SLC12A6: variants seen among roughly 807,000 people sequenced by gnomAD.
SLC12A6 encodes solute carrier family 12 member 6.
A neutral mutation model predicts 135.3 loss-of-function variants in SLC12A6; 66 were observed. That is an observed-to-expected ratio of 0.49 (90% CI 0.40 to 0.60). SLC12A6 has a LOEUF of 0.60. Ranked by LOEUF, SLC12A6 falls within the 20% of genes least tolerant of loss-of-function variation. The pLI is 0.00. For synonymous variants in SLC12A6, 513 were observed against 508.8 expected (o/e 1.01, Z -0.11); for missense variants, 1,058 against 1,452.3 (o/e 0.73, Z 4.41).
At chr15:34,254,015 C>G (rs1186520876) in intron 9 of SLC12A6, among the ~76,000 whole-genome samples, 1 of 152,122 alleles carries the variant, frequency 6.6e-6, no homozygotes, top group Non-Finnish European at 1.5e-5. Context: ...CTGGCAATAA[C>G]TACACTGTCT....
At chr15:34,256,824 T>C (rs1458871118) in intron 6 of SLC12A6, among the ~76,000 whole-genome samples, 1 of 152,088 alleles carries the variant, frequency 6.6e-6, no homozygotes, top group Non-Finnish European at 1.5e-5. Flanking sequence ...GTAAAAACTA[T>C]AGTGGTGGTA....
intron 2 of SLC12A6, among the ~76,000 whole-genome samples, chr15:34,309,236 A>G (rs1205160019): frequency 6.6e-6 from 1 of 152,186 alleles, no homozygotes; most frequent in Non-Finnish European, 1.5e-5. Flanking sequence ...CTTTAAATTT[A>G]CCAGCTTATA....
chr15:34,230,465 A>G lies in SLC12A6; in HGVS notation c.*3416T>C, dbSNP rs974988902. 6.6e-6 allele frequency: 1 copy of G among 152,514 alleles called. No individual in the cohort carries two copies. The highest frequency in any genetic ancestry group is 1.5e-5 in the Non-Finnish European group (1 of 68,046). 9.4% of individuals were successfully genotyped at this position (152,514 alleles called of 1,614,324 possible). A position where few individuals can be genotyped will look rare whatever the true frequency, so the allele number is the denominator to read the frequency against. On this transcript the variant is annotated 3_prime_UTR_variant, in exon 26 of 26. Coordinates refer to ENST00000354181, the MANE Select transcript of SLC12A6 (RefSeq NM_001365088.1). ...ATATAGAGTGATCGTCCCCCTGCCG[A>G]AGGAACCTGGCACCTGTCAAGCAGA...
intron 16 of SLC12A6, 117 bp from the exon 17 acceptor site, chr15:34,242,338 T>C (rs1891699833): frequency 2.8e-6 from 2 of 725,544 alleles, no homozygotes; most frequent in South Asian, 1.7e-5. Context: ...TTTGAAACTA[T>C]TATAAATAGA....
chr15:34,320,879 A>G (rs1003624479), intron 2 of SLC12A6, among the ~76,000 whole-genome samples: 46 of 152,156 alleles, frequency 3.0e-4, no homozygotes, highest in South Asian at 2.1e-4. Context: ...ACTGTACTCC[A>G]GCCTGGGCGA....
chr15:34,328,517 C>T (rs938797080), intron 2 of SLC12A6, among the ~76,000 whole-genome samples: 4 of 152,166 alleles, frequency 2.6e-5, no homozygotes, highest in African/African-American at 9.7e-5. Flanking sequence ...GTGCTGTATG[C>T]ATGTGTATAT....
chr15:34,278,961 CTTA>C (rs1430774059), intron 2 of SLC12A6, among the ~76,000 whole-genome samples: 3 of 152,030 alleles, frequency 2.0e-5, no homozygotes, highest in Non-Finnish European at 4.4e-5. Flanking sequence ...ATCCTTGATA[CTTA>C]TTTAGTAATG....
intron 2 of SLC12A6, among the ~76,000 whole-genome samples, chr15:34,308,257 T>C (rs1887873258): frequency 6.6e-6 from 1 of 152,140 alleles, no homozygotes; most frequent in Non-Finnish European, 1.5e-5. Context: ...CTGCGAATTG[T>C]TAAGTCTCTT....
Position 34,230,088 on chromosome 15 carries a change from G to T in SLC12A6, c.*3793C>A. The T allele has an allele frequency of 2.6e-6, 1 of 378,352 alleles. No individual in the cohort carries two copies. Among genetic ancestry groups the T allele is most frequent in the Non-Finnish European group, 4.7e-6 (1 of 212,266 alleles). 23.4% of individuals were successfully genotyped at this position (378,352 alleles called of 1,614,324 possible). On this transcript the variant is annotated 3_prime_UTR_variant, in exon 26 of 26. Transcript: ENST00000354181. ...CTATGTAAACAAGAGAATAACTGCT[G>T]CTAAATCAAGAACTGTTGCAGCATC... is the stretch of plus-strand genomic sequence containing the variant.
At chr15:34,275,219 AG>A in intron 3 of SLC12A6, 125 bp downstream of exon 3, 1 of 589,824 alleles carries the variant, frequency 1.7e-6, no homozygotes. Flanking sequence ...GCAGGAAAAA[AG>A]TTGTTGGGTG....
At chr15:34,267,841 G>T (rs1417574855) in intron 3 of SLC12A6, among the ~76,000 whole-genome samples, 1 of 152,128 alleles carries the variant, frequency 6.6e-6, no homozygotes, top group Admixed American at 6.5e-5. Context: ...GTTTCATTAA[G>T]ATGTATCTAG....
chr15:34,236,978 T>C, intron 22 of SLC12A6, 163 bp from the exon 23 acceptor site: 1 of 653,034 alleles, frequency 1.5e-6, no homozygotes, highest in African/African-American at 1.8e-5. Flanking sequence ...ATAAATGTTT[T>C]TGTGACTGTA....
chr15:34,283,525 G>C (rs1270791003), intron 2 of SLC12A6, among the ~76,000 whole-genome samples: 1 of 152,028 alleles, frequency 6.6e-6, no homozygotes, highest in African/African-American at 2.4e-5. Flanking sequence ...GACATATGAG[G>C]ATCCTGAAAA....
chr15:34,233,539 G>A lies in SLC12A6; in HGVS notation c.*342C>T, dbSNP rs1595392870. 6.7e-6 allele frequency: 2 copies of A among 299,000 alleles called. No homozygotes were observed. The highest frequency in any genetic ancestry group is 1.5e-4 in the East Asian group (2 of 13,264). 18.5% of individuals were successfully genotyped at this position (299,000 alleles called of 1,614,324 possible). ...CATCTTTAATGCTGAATACGTACTT[G>A]ACTTGCTTTTTTTCTTCAGTTGAAT... is the stretch of plus-strand genomic sequence containing the variant. On this transcript the variant is annotated 3_prime_UTR_variant, in exon 26 of 26. Transcript: ENST00000354181.
chr15:34,245,739 C>T lies in SLC12A6; in HGVS notation c.1778G>A (p.Arg593Lys), dbSNP rs779664776. Residue 593 changes from arginine (R) to lysine (K), a missense_variant, in exon 14 of 26, where the codon AGG becomes AAG. Around this residue, in one of 6 missense-constraint regions of SLC12A6, gnomAD observed 170 missense variants for 297.6 expected, o/e 0.57. Coordinates refer to ENST00000354181, the MANE Select transcript of SLC12A6 (RefSeq NM_001365088.1). ...AGLQSLTGAPRLLQAIAKDNI... is the reference protein window; with the variant it reads ...AGLQSLTGAPKLLQAIAKDNI... ...ATCCTTGGCAATAGCTTGTAGCAGC[C>T]TCGGTGCACCTGTGAGGCTCTGAAG... 130 of 1,613,914 alleles carry T rather than the reference C, an allele frequency of 8.1e-5. No individual in the cohort carries two copies. Among genetic ancestry groups the T allele is most frequent in the Non-Finnish European group, 1.1e-4 (129 of 1,179,926 alleles).
rs752556001 is a variant in SLC12A6 at position 34,242,241 on chromosome 15, A to G, written c.2043-20T>C. On this transcript the variant is annotated intron_variant, in intron 16 of 25. Transcript: ENST00000354181. ...AGGGCCCTAGAAAATTAAAAACAAA[A>G]AAGTATCTTTTAAAGTAGCTGAAAA... The G allele has an allele frequency of 3.2e-6, 5 of 1,572,094 alleles. No individual in the cohort carries two copies. The highest frequency in any genetic ancestry group is 4.5e-5 in the East Asian group (2 of 44,584).
At chr15:34,241,159 A>G (rs1891614969) in intron 18 of SLC12A6, 74 bp downstream of exon 18, 1 of 827,646 alleles carries the variant, frequency 1.2e-6, no homozygotes, top group African/African-American at 1.7e-5. Flanking sequence ...TGGTTTCCTT[A>G]TCCTAAAATC....
At chr15:34,328,321 C>T (rs1889612174) in intron 2 of SLC12A6, among the ~76,000 whole-genome samples, 1 of 152,200 alleles carries the variant, frequency 6.6e-6, no homozygotes, top group South Asian at 2.1e-4. Context: ...ATTTACAATA[C>T]TGACTTGATT....
chr15:34,240,620 C>A (rs1426683901), intron 19 of SLC12A6, 41 bp downstream of exon 19: 4 of 1,550,760 alleles, frequency 2.6e-6, no homozygotes, highest in Non-Finnish European at 3.6e-6. Flanking sequence ...CATCACAAAG[C>A]TGTAAACTGA....
Sources: allele counts gnomAD v4.1 joint callset (sites outside exome capture counted in the v4.1 genomes callset), GRCh38; gene constraint gnomAD v4.1.1; regional missense constraint gnomAD v4.1.1; transcripts MANE v1.5; gene names NCBI Gene and HGNC (gene_info 2026-07-23, HGNC 2026-07-21).